Variants in ESRRG observed in about 807,000 individuals in gnomAD.
ESRRG encodes estrogen related receptor gamma.
In ESRRG, 13 loss-of-function variants were observed where a neutral mutation model predicts 44.0. The observed-to-expected ratio is 0.30, with a 90% CI of 0.19 to 0.47. ESRRG has a LOEUF of 0.47. ESRRG is among the 20% of genes least tolerant of loss of function. ESRRG has a pLI of 1.00. For synonymous variants in ESRRG, 215 were observed against 214.6 expected, an observed-to-expected ratio of 1.00 and a Z score of -0.02; for missense variants, 395 against 580.6, an observed-to-expected ratio of 0.68 and a Z score of 3.29.
intron 2 of ESRRG, among the ~76,000 whole-genome samples, chr1:216,811,167 A>T (rs2094956616): frequency 6.6e-6 from 1 of 152,168 alleles, no homozygotes; most frequent in Admixed American, 6.5e-5. Context: ...TCTTGAGGAA[A>T]TGTTTGGTAT....
intron 1 of ESRRG, among the ~76,000 whole-genome samples, chr1:216,957,929 T>G (rs2068269999): frequency 6.6e-6 from 1 of 152,164 alleles, no homozygotes; most frequent in Admixed American, 6.5e-5. Flanking sequence ...TCCCTTATGA[T>G]CCTGTCCACT....
chr1:216,786,273 G>A (rs2094124370), intron 2 of ESRRG, among the ~76,000 whole-genome samples: 1 of 152,020 alleles, frequency 6.6e-6, no homozygotes, highest in Non-Finnish European at 1.5e-5. Context: ...CTTCATAACA[G>A]GAGGAAAACA....
intron 1 of ESRRG, among the ~76,000 whole-genome samples, chr1:216,721,993 G>A (rs965539284): frequency 3.3e-5 from 5 of 152,106 alleles, no homozygotes; most frequent in Non-Finnish European, 7.4e-5. Context: ...ATGTGCATGT[G>A]TGAGCGTGCA....
At chr1:216,677,541 G>T (rs79632997) in intron 1 of ESRRG, 50 bp from the exon 2 acceptor site, 2 of 1,468,872 alleles carry the variant, frequency 1.4e-6, no homozygotes, top group East Asian at 2.3e-5. Flanking sequence ...AGAGTGTCAA[G>T]CACAGAGACC....
At chr1:216,795,504 C>T (rs1432150685) in intron 2 of ESRRG, among the ~76,000 whole-genome samples, 1 of 151,552 alleles carries the variant, frequency 6.6e-6, no homozygotes, top group Non-Finnish European at 1.5e-5. Flanking sequence ...CTGTGCCTGG[C>T]TAATTTTTGT....
chr1:216,515,726 A>T (rs1323915765), intron 6 of ESRRG, among the ~76,000 whole-genome samples: 1 of 152,064 alleles, frequency 6.6e-6, no homozygotes, highest in Non-Finnish European at 1.5e-5. Flanking sequence ...GGGGTGGGGT[A>T]GGGGTGGCAA....
At chr1:217,005,605 TCTG>T (rs1347153088) in intron 1 of ESRRG, among the ~76,000 whole-genome samples, 1 of 152,046 alleles carries the variant, frequency 6.6e-6, no homozygotes, top group African/African-American at 2.4e-5. Context: ...AAGAGGTAGT[TCTG>T]CTGTTTATTG....
chr1:216,857,324 A>G (rs1304827166), intron 2 of ESRRG, among the ~76,000 whole-genome samples: 1 of 151,800 alleles, frequency 6.6e-6, no homozygotes, highest in African/African-American at 2.4e-5. Context: ...AATTCTCTGA[A>G]GACATTCCTT....
At chr1:217,113,925 A>C (rs1309909829) in intron 1 of ESRRG, among the ~76,000 whole-genome samples, 1 of 152,028 alleles carries the variant, frequency 6.6e-6, no homozygotes, top group Non-Finnish European at 1.5e-5. Context: ...CTCAGGAGTT[A>C]GTGGCTTCAG....
intron 1 of ESRRG, among the ~76,000 whole-genome samples, chr1:217,007,026 T>G (rs2077848146): frequency 6.6e-6 from 1 of 152,314 alleles, no homozygotes; most frequent in Non-Finnish European, 1.5e-5. Context: ...ATTTTAATTC[T>G]ATGTGATTTA....
At chr1:216,924,938 A>AT (rs1419276431) in intron 2 of ESRRG, among the ~76,000 whole-genome samples, 4 of 152,166 alleles carry the variant, frequency 2.6e-5, no homozygotes, top group Admixed American at 6.5e-5. Flanking sequence ...TACATCTAGT[A>AT]GCTCTCCCCA....
At chr1:216,815,344 T>G (rs1246579880) in intron 2 of ESRRG, among the ~76,000 whole-genome samples, 1 of 152,182 alleles carries the variant, frequency 6.6e-6, no homozygotes, top group Non-Finnish European at 1.5e-5. Context: ...ATAAGGTAAC[T>G]GAGGTACAGA....
chr1:216,516,955 A>G (rs936399818), intron 6 of ESRRG, among the ~76,000 whole-genome samples: 1 of 152,172 alleles, frequency 6.6e-6, no homozygotes, highest in Non-Finnish European at 1.5e-5. Context: ...GTGGGTGAAG[A>G]AAAGGCCATA....
intron 2 of ESRRG, among the ~76,000 whole-genome samples, chr1:216,936,238 T>A (rs2064133066): frequency 6.6e-6 from 1 of 152,192 alleles, no homozygotes; most frequent in Non-Finnish European, 1.5e-5. Context: ...TCATAGTAGA[T>A]GTTTGGCTTC....
rs187885259 is a variant in ESRRG, at chr1:216,980,538, C to T, written c.-105-40865G>A. 1.8e-3 allele frequency among the ~76,000 whole-genome samples: 267 copies of T among 152,214 alleles called. 3 individuals are homozygous for T. Among genetic ancestry groups the T allele is most frequent in the South Asian group, 8.1e-3 (39 of 4,820 alleles). ...CCATCTACTGAATATTTAGTAAGTC[C>T]GTGGGACCTCTCCAACTCCACGGGA... On this transcript the variant is annotated intron_variant, in intron 1 of 7. Transcript: ENST00000359162.
At chr1:217,085,631 C>T (rs2092041816) in intron 1 of ESRRG, among the ~76,000 whole-genome samples, 1 of 151,854 alleles carries the variant, frequency 6.6e-6, no homozygotes, top group South Asian at 2.1e-4. Flanking sequence ...GCTGGGATTA[C>T]AGGTGCGCAC....
intron 2 of ESRRG, among the ~76,000 whole-genome samples, chr1:216,899,767 CAG>C (rs1419521013): frequency 6.6e-6 from 1 of 152,072 alleles, no homozygotes; most frequent in Non-Finnish European, 1.5e-5. Flanking sequence ...TGAGGGAAGA[CAG>C]GGAATGTTTG....
chr1:216,854,691 G>T (rs544312885), intron 2 of ESRRG, among the ~76,000 whole-genome samples: 1 of 152,208 alleles, frequency 6.6e-6, no homozygotes, highest in South Asian at 2.1e-4. Flanking sequence ...CTTGGCTGAT[G>T]GATACCAGAG....
chr1:216,551,341 CAA>C (rs2056284105), intron 5 of ESRRG, among the ~76,000 whole-genome samples: 1 of 151,966 alleles, frequency 6.6e-6, no homozygotes, highest in Non-Finnish European at 1.5e-5. Flanking sequence ...CTGAATATTA[CAA>C]AGTGTTTAGG....
Sources: allele counts gnomAD v4.1 joint callset (sites outside exome capture counted in the v4.1 genomes callset), GRCh38; gene constraint gnomAD v4.1.1; transcripts MANE v1.5; gene names NCBI Gene and HGNC (gene_info 2026-07-23, HGNC 2026-07-21).